The following PDS5A variants were observed in gnomAD, a reference collection of about 807,000 sequenced individuals.
PDS5A encodes the protein PDS5 cohesin associated factor A.
A neutral mutation model predicts 167.1 loss-of-function variants in PDS5A; 42 were observed. That is an observed-to-expected ratio of 0.25 (90% confidence interval 0.20 to 0.33). The LOEUF is 0.33. Among genes scored for constraint, PDS5A ranks in the 10% least tolerant of loss-of-function variants. The probability of loss-of-function intolerance (pLI) is 1.00; values close to 1 mark genes in which losing one functional copy is unlikely to be tolerated. For synonymous variants in PDS5A, 553 were observed against 554.6 expected (o/e 1.00, Z 0.04); for missense variants, 1,033 against 1,605.9 (o/e 0.64, Z 6.10).
chr4:39,955,615 AAAAC>A (rs1178854431), intron 2 of PDS5A, among the ~76,000 whole-genome samples: 1 of 151,884 alleles, frequency 6.6e-6, no homozygotes, highest in Non-Finnish European at 1.5e-5. Flanking sequence ...AAACAACAAC[AAAAC>A]AAACAAATGT....
chr4:39,926,644 T>C (rs963195316), intron 4 of PDS5A, 131 bp downstream of exon 4: 3 of 585,944 alleles, frequency 5.1e-6, no homozygotes, highest in African/African-American at 2.0e-5. Context: ...ATTTTCCTTA[T>C]GAAATGTAAA....
chr4:39,961,377 T>A lies in PDS5A; in HGVS notation c.138+15063A>T, dbSNP rs187594019. 1.2e-3 allele frequency among the ~76,000 whole-genome samples: 181 copies of A among 152,084 alleles called. 1 individual carries two copies. Among genetic ancestry groups the A allele is most frequent in the Non-Finnish European group, 1.9e-3 (132 of 67,940 alleles). On this transcript the variant is annotated intron_variant, in intron 2 of 32. Coordinates refer to ENST00000303538, the MANE Select transcript of PDS5A (RefSeq NM_001100399.2). Reference sequence around the variant, plus strand: ...GTAGTGGCGCCATCTCGGCTCACTGTCTCAGCCTCCTCAGTAGCTGGGAGG... The same window carrying A: ...GTAGTGGCGCCATCTCGGCTCACTGACTCAGCCTCCTCAGTAGCTGGGAGG...
intron 3 of PDS5A, 23 bp downstream of exon 3, chr4:39,927,938 A>T: frequency 6.5e-7 from 1 of 1,528,668 alleles, no homozygotes; most frequent in Non-Finnish European, 9.1e-7. Context: ...AAAATACAAT[A>T]AAGTGAAAAA....
chr4:39,965,494 G>C (rs929189749), intron 2 of PDS5A, among the ~76,000 whole-genome samples: 3 of 152,146 alleles, frequency 2.0e-5, no homozygotes, highest in African/African-American at 7.2e-5. Flanking sequence ...CTAAAAAGTG[G>C]AAACAATTCA....
chr4:39,894,984 T>C (rs939241675), intron 16 of PDS5A, among the ~76,000 whole-genome samples: 2 of 151,912 alleles, frequency 1.3e-5, no homozygotes, highest in East Asian at 3.9e-4. Flanking sequence ...TCCCAGCACT[T>C]TGGGAGGCCG....
chr4:39,822,901 A>AT lies in PDS5A; in HGVS notation c.*2583dup, dbSNP rs771004947. The AT allele has an allele frequency of 1.6e-4, 25 of 152,602 alleles. No homozygotes were observed. Among genetic ancestry groups the AT allele is most frequent in the Non-Finnish European group, 3.5e-4 (24 of 68,022 alleles). The allele number at this position is 152,602 out of a possible 1,614,324, so 9.5% of individuals were successfully genotyped here. A position where few individuals can be genotyped will look rare whatever the true frequency, so the allele number is the denominator to read the frequency against. ...CTTGGTTTTATTTGAAACAGTGCATATTTTTAGCATTTTATGGTAGGATTT... is the reference window on the plus strand; with the variant it reads ...CTTGGTTTTATTTGAAACAGTGCATATTTTTTAGCATTTTATGGTAGGATTT... On this transcript the variant is annotated 3_prime_UTR_variant, in exon 33 of 33. Coordinates refer to ENST00000303538, the MANE Select transcript of PDS5A (RefSeq NM_001100399.2).
At chr4:39,889,277 G>A (rs1448768532) in intron 17 of PDS5A, among the ~76,000 whole-genome samples, 1 of 152,194 alleles carries the variant, frequency 6.6e-6, no homozygotes, top group Non-Finnish European at 1.5e-5. Context: ...AGAGGCTTCA[G>A]GAAAAAAATT....
chr4:39,884,877 T>A (rs1313735997), intron 17 of PDS5A, among the ~76,000 whole-genome samples: 1 of 152,128 alleles, frequency 6.6e-6, no homozygotes, highest in Admixed American at 6.5e-5. Flanking sequence ...ATTAACTAAC[T>A]GTAGCACACA....
intron 16 of PDS5A, among the ~76,000 whole-genome samples, chr4:39,897,008 T>TG (rs1722476338): frequency 6.6e-6 from 1 of 152,094 alleles, no homozygotes; most frequent in Non-Finnish European, 1.5e-5. Flanking sequence ...CCCATCACCC[T>TG]GAGTTCTGTT....
chr4:39,874,433 GT>G (rs752316517), intron 19 of PDS5A, 21 bp from the exon 20 acceptor site: 24 of 1,561,708 alleles, frequency 1.5e-5, no homozygotes, highest in Middle Eastern at 1.7e-4. Context: ...TAATATAGTT[GT>G]TTTTTTTTCT....
At chr4:39,942,941 AG>A (rs1727358699) in intron 2 of PDS5A, among the ~76,000 whole-genome samples, 1 of 152,116 alleles carries the variant, frequency 6.6e-6, no homozygotes, top group Non-Finnish European at 1.5e-5. Context: ...GATCTCCTGA[AG>A]GATGGGGGCT....
At chr4:39,911,181 T>C (rs1327559873) in intron 9 of PDS5A, among the ~76,000 whole-genome samples, 2 of 151,866 alleles carry the variant, frequency 1.3e-5, no homozygotes, top group Non-Finnish European at 2.9e-5. Context: ...AAACTTGAGG[T>C]AGAGAGCAAA....
At chr4:39,911,990 A>G (rs73229706) in intron 9 of PDS5A, among the ~76,000 whole-genome samples, 14,599 of 152,232 alleles carry the variant, frequency 0.096, 876 homozygotes, top group East Asian at 0.22. Flanking sequence ...AAATGATCTC[A>G]TAAAAAAACC....
At chr4:39,943,146 ACACACACACACACACACACACACG>A (rs1178525143) in intron 2 of PDS5A, among the ~76,000 whole-genome samples, 1 of 151,082 alleles carries the variant, frequency 6.6e-6, no homozygotes, top group African/African-American at 2.4e-5. Flanking sequence ...ACACACACAC[ACACACACACACACACACACACACG>A]CACGCACACA....
chr4:39,901,138 T>A (rs1722841830), intron 13 of PDS5A, among the ~76,000 whole-genome samples: 1 of 152,158 alleles, frequency 6.6e-6, no homozygotes. Context: ...CTCTAAACAC[T>A]CTTTGTCAGA....
At chr4:39,885,698 T>C (rs758724295) in intron 17 of PDS5A, among the ~76,000 whole-genome samples, 5 of 152,150 alleles carry the variant, frequency 3.3e-5, no homozygotes, top group Non-Finnish European at 5.9e-5. Context: ...GTGGATCGCT[T>C]AGGTCCAAGA....
chr4:39,896,911 T>C (rs1194454565), intron 16 of PDS5A, among the ~76,000 whole-genome samples: 3 of 152,038 alleles, frequency 2.0e-5, no homozygotes, highest in Non-Finnish European at 4.4e-5. Flanking sequence ...ATCTTTTTTT[T>C]TTTTTAATGC....
intron 2 of PDS5A, among the ~76,000 whole-genome samples, chr4:39,962,718 C>T (rs892146783): frequency 2.6e-5 from 4 of 152,034 alleles, no homozygotes; most frequent in Non-Finnish European, 4.4e-5. Flanking sequence ...GCACGAGAAT[C>T]GCTTGAACCC....
At chr4:39,921,724 C>CCTAG (rs1370226157) in intron 6 of PDS5A, among the ~76,000 whole-genome samples, 2 of 151,982 alleles carry the variant, frequency 1.3e-5, no homozygotes, top group African/African-American at 4.8e-5. Flanking sequence ...TGCACTCCAG[C>CCTAG]CTAGGTGACA....
Sources: gnomAD v4.1 joint callset for allele counts (sites outside exome capture counted in the v4.1 genomes callset) on GRCh38, gnomAD v4.1.1 for gene constraint, MANE v1.5 for transcripts, NCBI Gene and HGNC (gene_info 2026-07-23, HGNC 2026-07-21) for gene names.